Variants in KLF7 observed in about 807,000 individuals in gnomAD.
The protein encoded by KLF7 is Krueppel-like factor 7.
KLF7 carries 2 observed loss-of-function variants against 27.3 expected under a neutral mutation model. The ratio of observed to expected loss-of-function variants is 0.07; its 90% CI spans 0.03 to 0.23. The LOEUF (loss-of-function observed/expected upper bound fraction) is 0.23. KLF7 is among the 10% of genes least tolerant of loss of function. The pLI is 1.00. For synonymous variants in KLF7, 165 were observed against 162.4 expected, an observed-to-expected ratio of 1.02 and a Z score of -0.12; for missense variants, 221 against 394.1, an observed-to-expected ratio of 0.56 and a Z score of 3.72.
At chr2:207,121,350 A>T (rs889474219) in intron 2 of KLF7, among the ~76,000 whole-genome samples, 2 of 152,200 alleles carry the variant, frequency 1.3e-5, no homozygotes, top group African/African-American at 4.8e-5. Flanking sequence ...AATATCAACA[A>T]CAACAGTAAT....
chr2:207,115,128 A>C (rs1243886555), intron 2 of KLF7, among the ~76,000 whole-genome samples: 1 of 152,084 alleles, frequency 6.6e-6, no homozygotes, highest in East Asian at 1.9e-4. Flanking sequence ...AAGGGGTCTT[A>C]CATGAATGCA....
chr2:207,102,128 A>T (rs2076779850), intron 2 of KLF7, among the ~76,000 whole-genome samples: 1 of 124,908 alleles, frequency 8.0e-6, no homozygotes, highest in Admixed American at 7.8e-5. Flanking sequence ...ATTCACATTC[A>T]CACACACACA....
chr2:207,135,402 C>G (rs1228295010), intron 1 of KLF7, among the ~76,000 whole-genome samples: 1 of 152,110 alleles, frequency 6.6e-6, no homozygotes, highest in Non-Finnish European at 1.5e-5. Context: ...TATTAAAAGC[C>G]CTAAGACACT....
intron 2 of KLF7, among the ~76,000 whole-genome samples, chr2:207,090,218 A>G (rs1029240936): frequency 6.6e-6 from 1 of 152,158 alleles, no homozygotes; most frequent in African/African-American, 2.4e-5. Flanking sequence ...GAGGAAACCC[A>G]TTCAGTTTTG....
At chr2:207,087,909 C>A (rs1283971447) in intron 3 of KLF7, among the ~76,000 whole-genome samples, 9 of 152,046 alleles carry the variant, frequency 5.9e-5, no homozygotes, top group Admixed American at 5.2e-4. Flanking sequence ...ATTTTTTGCA[C>A]CCTTGTACCT....
chr2:207,167,197 T>A, upstream of KLF7: 1 of 1,379,842 alleles, frequency 7.2e-7, no homozygotes, highest in Non-Finnish European at 9.4e-7. Flanking sequence ...GGAACTCGAT[T>A]TCTCGTTTTC....
intron 1 of KLF7, among the ~76,000 whole-genome samples, chr2:207,138,553 T>C (rs897763981): frequency 7.9e-5 from 12 of 152,222 alleles, no homozygotes; most frequent in African/African-American, 2.2e-4. Context: ...AGTTCATTCT[T>C]AGTCTAAGGC....
At chr2:207,148,369 G>C (rs1282978700) in intron 1 of KLF7, among the ~76,000 whole-genome samples, 3 of 152,152 alleles carry the variant, frequency 2.0e-5, no homozygotes, top group Admixed American at 1.3e-4. Context: ...CGCTCGACTT[G>C]ACCTAGGGTC....
At chr2:207,166,078 C>T (rs1163643523), upstream of KLF7, 3 of 961,432 alleles carry the variant, frequency 3.1e-6, no homozygotes, top group Middle Eastern at 5.3e-4. Context: ...TAGTCTTCCC[C>T]CTCCCTTTTC....
intron 1 of KLF7, among the ~76,000 whole-genome samples, chr2:207,143,327 A>C (rs961694406): frequency 1.3e-5 from 2 of 151,930 alleles, no homozygotes; most frequent in Admixed American, 1.3e-4. Context: ...TGATCTTCAC[A>C]CGTAAAGTTT....
chr2:207,172,538 GAA>G, the KLF7 span, among the ~76,000 whole-genome samples: 2 of 152,178 alleles, frequency 1.3e-5, no homozygotes, highest in East Asian at 3.9e-4. Context: ...GATAAGGGAG[GAA>G]AAGTTATTAC....
chr2:207,145,787 G>A (rs933857529), intron 1 of KLF7, among the ~76,000 whole-genome samples: 1 of 151,860 alleles, frequency 6.6e-6, no homozygotes, highest in Non-Finnish European at 1.5e-5. Context: ...GGCAATGTCA[G>A]GTTCACCACT....
intron 2 of KLF7, among the ~76,000 whole-genome samples, chr2:207,105,061 G>A (rs1023844577): frequency 4.6e-5 from 7 of 152,078 alleles, no homozygotes; most frequent in Non-Finnish European, 1.0e-4. Flanking sequence ...TTTTTTTTCA[G>A]AGAATACCTC....
At chr2:207,121,671 T>G (rs976290197) in intron 2 of KLF7, 1 of 152,216 alleles carries the variant, frequency 6.6e-6, no homozygotes, top group Non-Finnish European at 1.5e-5. Context: ...CTTTCCACTT[T>G]AGTCCAACAT....
At chr2:207,096,495 A>G (rs1452875467) in intron 2 of KLF7, among the ~76,000 whole-genome samples, 2 of 152,222 alleles carry the variant, frequency 1.3e-5, no homozygotes, top group Non-Finnish European at 2.9e-5. Flanking sequence ...ATGACATTTA[A>G]GCTGAGATAC....
chr2:207,113,600 TGGGGGG>T (rs2077093893), intron 2 of KLF7, among the ~76,000 whole-genome samples: 1 of 2,450 alleles, frequency 4.1e-4, no homozygotes, highest in Non-Finnish European at 7.6e-4. Context: ...CAAAGTGGAA[TGGGGGG>T]TGGGGGGGGG....
rs2077422728 is a variant in KLF7 at position 207,124,331 on chromosome 2, T to C, written c.176A>G (p.Asp59Gly). The C allele has an allele frequency of 6.2e-7, 1 of 1,608,138 alleles. No homozygotes were observed. The change falls in exon 2 of 4, where the codon GAC becomes GGC. Residue 59 changes from aspartate (D) to glycine (G), a missense_variant. Transcript: ENST00000309446. ...RISETFGEDL[D>G]CFLHASPPPC... Reference sequence around the variant, plus strand: ...GGGAGGGGAAGCGTGGAGGAAACAGTCCAAGTCCTCACCAAAGGTCTCTGA... The same window carrying C: ...GGGAGGGGAAGCGTGGAGGAAACAGCCCAAGTCCTCACCAAAGGTCTCTGA...
chr2:207,081,326 C>T (rs2076267197), intron 3 of KLF7, 62 bp from the exon 4 acceptor site: 1 of 1,314,520 alleles, frequency 7.6e-7, no homozygotes, highest in Admixed American at 1.7e-5. Context: ...ACTTGCATCA[C>T]TCCTTAGGAA....
At chr2:207,126,153 GCTT>G (rs984253240) in intron 1 of KLF7, among the ~76,000 whole-genome samples, 3 of 152,088 alleles carry the variant, frequency 2.0e-5, no homozygotes, top group African/African-American at 7.2e-5. Flanking sequence ...ATCCTCACTT[GCTT>G]CTTTTCTGAA....
Sources: allele counts gnomAD v4.1 joint callset (sites outside exome capture counted in the v4.1 genomes callset), GRCh38; gene constraint gnomAD v4.1.1; transcripts MANE v1.5; gene names NCBI Gene and HGNC (gene_info 2026-07-23, HGNC 2026-07-21).